The following RPH3A variants were observed in gnomAD, a reference collection of about 807,000 sequenced individuals.
RPH3A encodes the protein rabphilin 3A.
A neutral mutation model predicts 102.2 loss-of-function variants in RPH3A; 48 were observed. That is an observed-to-expected ratio of 0.47 (90% confidence interval 0.37 to 0.60). The LOEUF is 0.60. RPH3A is among the 20% of genes least tolerant of loss of function. RPH3A has a pLI of 0.00. For missense variants in RPH3A, 781 were observed against 910.1 expected, an observed-to-expected ratio of 0.86 and a Z score of 1.83; for synonymous variants, 310 against 324.3, an observed-to-expected ratio of 0.96 and a Z score of 0.47.
chr12:112,624,705 A>G (rs1414663474), intron 1 of RPH3A, among the ~76,000 whole-genome samples: 2 of 138,580 alleles, frequency 1.4e-5, no homozygotes, highest in Admixed American at 1.5e-4. Context: ...AACTCATTTT[A>G]TGAGGCCAGC....
chr12:112,733,393 A>G (rs995043661), intron 1 of RPH3A, among the ~76,000 whole-genome samples: 2 of 152,180 alleles, frequency 1.3e-5, no homozygotes, highest in African/African-American at 4.8e-5. Flanking sequence ...TTGGAAGCAG[A>G]CACATAGTTA....
intron 1 of RPH3A, among the ~76,000 whole-genome samples, chr12:112,717,766 C>G (rs1024701591): frequency 1.3e-5 from 2 of 148,734 alleles, no homozygotes; most frequent in Non-Finnish European, 3.0e-5. Context: ...AATAGGATTG[C>G]AGGTTTGCAT....
chr12:112,606,685 A>T (rs1405096422), intron 1 of RPH3A, among the ~76,000 whole-genome samples: 1 of 152,208 alleles, frequency 6.6e-6, no homozygotes, highest in Non-Finnish European at 1.5e-5. Flanking sequence ...CGGAGGGCTC[A>T]GGAAACTTAC....
At chr12:112,848,954 C>T (rs908039856) in intron 5 of RPH3A, among the ~76,000 whole-genome samples, 14 of 152,170 alleles carry the variant, frequency 9.2e-5, no homozygotes, top group South Asian at 2.1e-4. Flanking sequence ...TTCCTAGACC[C>T]GAATATCAAA....
At chr12:112,621,978 C>G (rs1028450925) in intron 1 of RPH3A, among the ~76,000 whole-genome samples, 1 of 150,944 alleles carries the variant, frequency 6.6e-6, no homozygotes, top group South Asian at 2.1e-4. Context: ...GGTATTCCAA[C>G]AGACCTGCAG....
chr12:112,722,927 T>C (rs2040560879), intron 1 of RPH3A, among the ~76,000 whole-genome samples: 1 of 152,246 alleles, frequency 6.6e-6, no homozygotes, highest in Non-Finnish European at 1.5e-5. Flanking sequence ...ATTTTGGTCC[T>C]GTTAATATGC....
chr12:112,824,492 A>G (rs1004379774), intron 2 of RPH3A, among the ~76,000 whole-genome samples: 5 of 152,044 alleles, frequency 3.3e-5, no homozygotes, highest in African/African-American at 7.2e-5. Context: ...CCTCCCCCCA[A>G]CTGCATCTCC....
intron 4 of RPH3A, among the ~76,000 whole-genome samples, 170 bp from the exon 5 acceptor site, chr12:112,847,526 C>G (rs1029483): frequency 6.6e-6 from 1 of 152,090 alleles, no homozygotes; most frequent in African/African-American, 2.4e-5. Context: ...AAAATAAACT[C>G]ATTAGAAGCC....
intron 1 of RPH3A, among the ~76,000 whole-genome samples, chr12:112,772,221 C>T (rs1375360780): frequency 1.3e-5 from 2 of 152,194 alleles, no homozygotes; most frequent in African/African-American, 4.8e-5. Flanking sequence ...GCAAGTCACC[C>T]AATTCCTCCT....
At chr12:112,828,164 C>T (rs749032510) in intron 2 of RPH3A, 137 bp from the exon 3 acceptor site, 3 of 654,060 alleles carry the variant, frequency 4.6e-6, no homozygotes, top group Non-Finnish European at 8.0e-6. Flanking sequence ...TCAGACTCCC[C>T]ATCTGGAAAA....
At chr12:112,598,153 A>T (rs1263315471) in intron 1 of RPH3A, among the ~76,000 whole-genome samples, 1 of 152,210 alleles carries the variant, frequency 6.6e-6, no homozygotes, top group Admixed American at 6.5e-5. Context: ...GCTGGGTTGA[A>T]CATACTGCCA....
chr12:112,775,244 G>GA (rs1339816181), intron 1 of RPH3A, among the ~76,000 whole-genome samples: 1 of 152,096 alleles, frequency 6.6e-6, no homozygotes, highest in South Asian at 2.1e-4. Context: ...AAAAAGTTTG[G>GA]AAAAAACCAC....
chr12:112,727,643 A>G (rs573568609), intron 1 of RPH3A, among the ~76,000 whole-genome samples: 124 of 152,122 alleles, frequency 8.2e-4, no homozygotes, highest in African/African-American at 2.9e-3. Flanking sequence ...ACTTGGAGGG[A>G]TAGAACCCTG....
At chr12:112,891,089 C>G (rs759435384) in intron 19 of RPH3A, 86 bp downstream of exon 19, 1 of 1,482,410 alleles carries the variant, frequency 6.7e-7, no homozygotes, top group Non-Finnish European at 9.2e-7. Flanking sequence ...TCACCAAGAT[C>G]GTTGTACACT....
chr12:112,648,710 A>C (rs111654297), intron 1 of RPH3A, among the ~76,000 whole-genome samples: 1,713 of 140,816 alleles, frequency 0.012, 20 homozygotes, highest in Non-Finnish European at 0.021. Context: ...GTGCCACTGT[A>C]CTCTAGCCTG....
At chr12:112,769,420 T>C (rs2040913280) in intron 1 of RPH3A, among the ~76,000 whole-genome samples, 1 of 152,252 alleles carries the variant, frequency 6.6e-6, no homozygotes, top group Non-Finnish European at 1.5e-5. Flanking sequence ...TTCACTGTTA[T>C]GAAATTAGTT....
At chr12:112,702,566 G>C (rs1026978102) in intron 1 of RPH3A, among the ~76,000 whole-genome samples, 3 of 152,232 alleles carry the variant, frequency 2.0e-5, no homozygotes, top group Admixed American at 2.0e-4. Context: ...CAGGTCTCCA[G>C]CCTTCATGCT....
At chr12:112,832,937 C>CTTTTTTTTTTTTTTTTTTTTTTCT (rs71086121) in intron 3 of RPH3A, among the ~76,000 whole-genome samples, 1 of 131,776 alleles carries the variant, frequency 7.6e-6, no homozygotes, top group Non-Finnish European at 1.6e-5. Flanking sequence ...TTATTTCACT[C>CTTTTTTTTTTTTTTTTTTTTTTCT]TTTTTTTTTT....
At chr12:112,673,294 G>A (rs1483139781) in intron 1 of RPH3A, among the ~76,000 whole-genome samples, 1 of 152,068 alleles carries the variant, frequency 6.6e-6, no homozygotes, top group South Asian at 2.1e-4. Flanking sequence ...ATTCTTGTTA[G>A]GAGTATCATC....
Sources: gnomAD v4.1 joint callset for allele counts (sites outside exome capture counted in the v4.1 genomes callset) on GRCh38, gnomAD v4.1.1 for gene constraint, MANE v1.5 for transcripts, NCBI Gene and HGNC (gene_info 2026-07-23, HGNC 2026-07-21) for gene names.